Variants in LAMA2 observed in about 807,000 individuals in gnomAD.
LAMA2 encodes laminin subunit alpha 2, also known as laminin subunit alpha-2.
LAMA2 carries 269 observed loss-of-function variants against 364.8 expected under a neutral mutation model. The observed-to-expected ratio is 0.74, with a 90% CI of 0.67 to 0.82. LAMA2 has a LOEUF of 0.82. Ranked by LOEUF, LAMA2 falls within the 40% of genes least tolerant of loss-of-function variation. LAMA2 has a pLI of 0.00. For missense variants in LAMA2, 3,807 were observed against 3,873.2 expected (o/e 0.98, Z 0.45); for synonymous variants, 1,379 against 1,370.6 (o/e 1.01, Z -0.14).
chr6:129,326,783 T>A (rs1266452078), intron 28 of LAMA2, among the ~76,000 whole-genome samples: 3 of 129,674 alleles, frequency 2.3e-5, no homozygotes, highest in East Asian at 4.2e-4. Flanking sequence ...ATTTATATAT[T>A]ATATATATAT....
At chr6:129,290,861 G>T (rs965414363) in intron 19 of LAMA2, among the ~76,000 whole-genome samples, 4 of 152,104 alleles carry the variant, frequency 2.6e-5, no homozygotes, top group African/African-American at 9.7e-5. Flanking sequence ...TATGTTTGGA[G>T]ATAGCATATA....
intron 40 of LAMA2, among the ~76,000 whole-genome samples, chr6:129,414,085 A>G (rs1384338272): frequency 2.0e-5 from 3 of 152,104 alleles, no homozygotes. Context: ...AAATGGATAT[A>G]TTGGAGGATA....
At chr6:128,945,461 T>G (rs1473281640) in intron 1 of LAMA2, among the ~76,000 whole-genome samples, 1 of 152,222 alleles carries the variant, frequency 6.6e-6, no homozygotes, top group Non-Finnish European at 1.5e-5. Context: ...TCATTCTCCT[T>G]CTATCTGTCA....
chr6:129,389,494 A>C (rs893024690), intron 35 of LAMA2, among the ~76,000 whole-genome samples: 15 of 152,196 alleles, frequency 9.9e-5, no homozygotes, highest in Non-Finnish European at 2.1e-4. Context: ...CCCTTTTATA[A>C]GAGCACTAAT....
chr6:129,378,648 CA>C (rs1778510297), intron 34 of LAMA2, among the ~76,000 whole-genome samples: 1 of 152,102 alleles, frequency 6.6e-6, no homozygotes, highest in African/African-American at 2.4e-5. Flanking sequence ...TCCAGTTTTT[CA>C]TGTATTTTAC....
rs1015033633 is a variant in LAMA2, at chr6:129,220,100, G to A, written c.1782+27247G>A. On this transcript the variant is annotated intron_variant, in intron 12 of 64. Transcript: ENST00000421865. Reference sequence around the variant, plus strand: ...AGGAAAAAATTTGCATTTACCAAGTGGGAGGATTTATAGTGGTGATTTCAC... The same window carrying A: ...AGGAAAAAATTTGCATTTACCAAGTAGGAGGATTTATAGTGGTGATTTCAC... Among the ~76,000 whole-genome samples the A allele has an allele frequency of 3.9e-5, 6 of 152,046 alleles. No homozygotes were observed. In the East Asian group the frequency reaches 9.6e-4, roughly 24 times the overall value.
intron 51 of LAMA2, 127 bp downstream of exon 51, chr6:129,465,416 C>G (rs2114810378): frequency 1.2e-6 from 1 of 828,192 alleles, no homozygotes; most frequent in South Asian, 1.5e-5. Context: ...AAAATTTATA[C>G]AGTCATTTTT....
At chr6:129,054,921 C>G (rs929319586) in intron 2 of LAMA2, among the ~76,000 whole-genome samples, 1 of 150,184 alleles carries the variant, frequency 6.7e-6, no homozygotes, top group African/African-American at 2.4e-5. Flanking sequence ...GGATGAGATG[C>G]ATTGTCAGAT....
chr6:129,492,467 C>A lies in LAMA2; in HGVS notation c.8228C>A (p.Thr2743Asn). 6.2e-7 allele frequency: 1 copy of A among 1,613,800 alleles called. No individual in the cohort carries two copies. Among genetic ancestry groups the A allele is most frequent in the Non-Finnish European group, 8.5e-7 (1 of 1,179,774 alleles). Residue 2743 changes from threonine to asparagine, a missense_variant, in exon 58 of 65, where the codon ACC becomes AAC. Physicochemically the swap from Thr to Asn is moderately conservative, Grantham distance 65. Transcript: ENST00000421865. The part of the protein sequence containing the change: ...PVPTPAFPTP[T>N]PVLTHGPCAA... ...CCCACCCCAGCCTTTCCTACGCCCA[C>A]CCCAGTTCTGACACATGTAAGTGTT...
intron 1 of LAMA2, among the ~76,000 whole-genome samples, chr6:128,937,626 T>G: frequency 6.6e-6 from 1 of 152,092 alleles, no homozygotes; most frequent in East Asian, 1.9e-4. Flanking sequence ...CTTTTTTATT[T>G]CTGTTGCAAT....
intron 28 of LAMA2, among the ~76,000 whole-genome samples, chr6:129,325,533 G>GTT (rs201833533): frequency 1.1e-3 from 160 of 145,218 alleles, no homozygotes; most frequent in East Asian, 8.0e-4. Flanking sequence ...GAGAATTTCT[G>GTT]TTTTTTTTTT....
intron 9 of LAMA2, among the ~76,000 whole-genome samples, chr6:129,169,854 T>G (rs1461393007): frequency 6.9e-6 from 1 of 145,506 alleles, no homozygotes; most frequent in Admixed American, 6.8e-5. Context: ...GTTATTGGTC[T>G]ATTCAGAGAT....
At position 128,936,703 on chromosome 6, in the gene LAMA2, C is replaced by T. The variant is rs942822578; in HGVS notation, c.112+53346C>T. Among the ~76,000 whole-genome samples the T allele has an allele frequency of 3.9e-5, 6 of 152,210 alleles. No homozygotes were observed. In the East Asian group the frequency reaches 5.8e-4, roughly 15 times the overall value. ...TCTCTCTCACTCCCCCTCAAAATAT[C>T]TTATTGTATTATACTCATCTTTCTC... On this transcript the variant is annotated intron_variant, in intron 1 of 64. Coordinates refer to ENST00000421865, the MANE Select transcript of LAMA2 (RefSeq NM_000426.4).
chr6:129,130,653 G>T (rs1777414546), intron 4 of LAMA2, among the ~76,000 whole-genome samples: 1 of 152,134 alleles, frequency 6.6e-6, no homozygotes, highest in Non-Finnish European at 1.5e-5. Context: ...TGCATTCTGG[G>T]CAATAAATAT....
chr6:129,210,142 T>C (rs1783000350), intron 12 of LAMA2, among the ~76,000 whole-genome samples: 1 of 152,022 alleles, frequency 6.6e-6, no homozygotes, highest in South Asian at 2.1e-4. Context: ...GGCACTCTTT[T>C]ATGACTACTT....
At chr6:129,343,708 C>T (rs1269703321) in intron 30 of LAMA2, among the ~76,000 whole-genome samples, 7 of 152,074 alleles carry the variant, frequency 4.6e-5, no homozygotes, top group Non-Finnish European at 8.8e-5. Context: ...ACAAGAGAAG[C>T]ATGCCATTTT....
At position 129,260,813 on chromosome 6, in the gene LAMA2, C is replaced by T. The variant is rs1194743953; in HGVS notation, c.2199C>T (p.Ser733=). ...AGTGCCCACCAGGGTATACTGGCTCCTCTTGTGAAGTAAGCTTGCAAGAAT... is the reference window on the plus strand; with the variant it reads ...AGTGCCCACCAGGGTATACTGGCTCTTCTTGTGAAGTAAGCTTGCAAGAAT... ...VCQCPPGYTG[S]SCESCWPRHR... Residue 733 remains serine (S), a synonymous_variant, in exon 15 of 65, where the codon TCC becomes TCT. Coordinates refer to ENST00000421865, the MANE Select transcript of LAMA2 (RefSeq NM_000426.4). 1.9e-6 allele frequency: 3 copies of T among 1,593,362 alleles called. No individual in the cohort carries two copies. The highest frequency in any genetic ancestry group is 1.3e-5 in the African/African-American group (1 of 74,526).
At chr6:129,488,265 G>A (rs749600939) in intron 56 of LAMA2, among the ~76,000 whole-genome samples, 9 of 152,132 alleles carry the variant, frequency 5.9e-5, no homozygotes, top group Admixed American at 3.9e-4. Context: ...AGCCGAGATC[G>A]CACCACTGCA....
At chr6:129,442,958 T>C (rs1583761790) in intron 43 of LAMA2, 105 bp from the exon 44 acceptor site, 2 of 810,346 alleles carry the variant, frequency 2.5e-6, no homozygotes, top group East Asian at 5.4e-5. Context: ...GTACCTGTTA[T>C]GAAAAATACC....
Sources: gnomAD v4.1 joint callset for allele counts (sites outside exome capture counted in the v4.1 genomes callset) on GRCh38, gnomAD v4.1.1 for gene constraint, MANE v1.5 for transcripts, NCBI Gene and HGNC (gene_info 2026-07-23, HGNC 2026-07-21) for gene names.